The following SETBP1 variants were observed in gnomAD, a reference collection of about 807,000 sequenced individuals.
The protein encoded by SETBP1 is SET-binding protein.
Under a neutral mutation model 101.0 loss-of-function variants are expected in SETBP1, and 9 were observed. The observed-to-expected ratio is 0.09, with a 90% confidence interval of 0.05 to 0.16. The LOEUF (loss-of-function observed/expected upper bound fraction) is 0.16, where lower values mean the gene tolerates loss of function less well. Ranked by LOEUF, SETBP1 falls within the 10% of genes least tolerant of loss-of-function variation. The pLI is 1.00. For missense variants in SETBP1, 1,858 were observed against 2,033.8 expected (o/e 0.91, Z 1.66); for synonymous variants, 818 against 788.5 (o/e 1.04, Z -0.63).
In SETBP1 at chr18:44,933,419, G is replaced by A. The variant is rs182964802; in HGVS notation, c.541-16462G>A. ...GGGTCAGGGACCCACTTGTGGAGGC[G>A]GTCTGTCCATTCTCAGATCTCAAAC... On this transcript the variant is annotated intron_variant, in intron 3 of 5. Transcript: ENST00000649279. 3.6e-4 allele frequency among the ~76,000 whole-genome samples: 55 copies of A among 152,308 alleles called. No homozygotes were observed. In the South Asian group the frequency reaches 7.7e-3, roughly 21 times the overall value.
intron 1 of SETBP1, among the ~76,000 whole-genome samples, chr18:44,695,741 C>T (rs746213419): frequency 2.6e-5 from 4 of 152,004 alleles, no homozygotes; most frequent in Non-Finnish European, 2.9e-5. Flanking sequence ...GAGAGGTGCA[C>T]GTGTTGTTCA....
At chr18:45,027,766 A>G (rs1446219854) in intron 4 of SETBP1, among the ~76,000 whole-genome samples, 3 of 152,202 alleles carry the variant, frequency 2.0e-5, no homozygotes, top group Admixed American at 6.5e-5. Context: ...CCACAAACTT[A>G]GTGGCTTAAA....
chr18:45,047,244 C>T (rs2040847815), intron 5 of SETBP1, among the ~76,000 whole-genome samples: 1 of 152,072 alleles, frequency 6.6e-6, no homozygotes, highest in African/African-American at 2.4e-5. Context: ...ACCTCACACT[C>T]GGAAAAGAAA....
intron 3 of SETBP1, among the ~76,000 whole-genome samples, chr18:44,924,027 T>C (rs2070641457): frequency 6.6e-6 from 1 of 152,158 alleles, no homozygotes; most frequent in Non-Finnish European, 1.5e-5. Flanking sequence ...TTTCCTTCTC[T>C]TGCCAAATTT....
chr18:44,945,605 C>T (rs981694984), intron 3 of SETBP1, among the ~76,000 whole-genome samples: 7 of 152,092 alleles, frequency 4.6e-5, no homozygotes, highest in East Asian at 3.9e-4. Context: ...AGCCATGAAG[C>T]GTGCTAAGCT....
intron 2 of SETBP1, among the ~76,000 whole-genome samples, chr18:44,808,873 C>A (rs111466862): frequency 0.013 from 1,972 of 152,264 alleles, 19 homozygotes; most frequent in Non-Finnish European, 0.018. Context: ...TGCTACAAAT[C>A]CTTGCTTTCC....
In SETBP1 at chr18:44,800,043, A is replaced by G. The variant is rs138888267; in HGVS notation, c.487-69187A>G. Reference sequence around the variant, plus strand: ...GTTCATGACTGACAAATCATTCCCTACCAGAGTTAATATTTACTCCCCTTT... The same window carrying G: ...GTTCATGACTGACAAATCATTCCCTGCCAGAGTTAATATTTACTCCCCTTT... On this transcript the variant is annotated intron_variant, in intron 2 of 5. Transcript: ENST00000649279. 2.0e-5 allele frequency among the ~76,000 whole-genome samples: 3 copies of G among 152,120 alleles called. No individual in the cohort carries two copies. The East Asian group carries it at 5.8e-4, about 29-fold the overall frequency.
intron 3 of SETBP1, among the ~76,000 whole-genome samples, chr18:44,937,808 G>A (rs2070997528): frequency 6.6e-6 from 1 of 152,114 alleles, no homozygotes; most frequent in Non-Finnish European, 1.5e-5. Context: ...CTCTGAATAT[G>A]AGCAGTGCTG....
intron 3 of SETBP1, 124 bp downstream of exon 3, chr18:44,869,407 G>A: frequency 1.1e-6 from 1 of 877,034 alleles, no homozygotes. Flanking sequence ...TCTTTCCCTA[G>A]CTAACTGACA....
At chr18:44,851,668 A>G (rs1189731046) in intron 2 of SETBP1, among the ~76,000 whole-genome samples, 1 of 151,890 alleles carries the variant, frequency 6.6e-6, no homozygotes, top group African/African-American at 2.4e-5. Flanking sequence ...GGCACATAAT[A>G]TGCTTTTTTT....
intron 3 of SETBP1, among the ~76,000 whole-genome samples, chr18:44,903,366 G>A (rs1027646466): frequency 1.3e-5 from 2 of 152,154 alleles, no homozygotes; most frequent in Non-Finnish European, 2.9e-5. Context: ...TCAGGGAAAA[G>A]GTAGAGAAAT....
intron 3 of SETBP1, chr18:44,876,967 G>A (rs1296251883): frequency 1.8e-5 from 22 of 1,250,330 alleles, no homozygotes; most frequent in Non-Finnish European, 2.1e-5. Flanking sequence ...TGCATTAGGC[G>A]GCCCTGATGC....
chr18:44,786,926 G>A (rs2071250566), intron 2 of SETBP1, among the ~76,000 whole-genome samples: 1 of 152,198 alleles, frequency 6.6e-6, no homozygotes, highest in Admixed American at 6.5e-5. Flanking sequence ...GCTGTCAGTA[G>A]CTTTCAGTTT....
rs2070398258 is a variant in SETBP1 at position 44,752,241 on chromosome 18, GA to G, written c.486+50410del. On this transcript the variant is annotated intron_variant, in intron 2 of 5. Transcript: ENST00000649279. ...AGGTGATTTACCAATTATAGAGTGA[GA>G]CACTGCAGGACTCCAGTGGTTCTTG... Among the ~76,000 whole-genome samples the G allele has an allele frequency of 3.9e-5, 6 of 152,328 alleles. 1 individual carries two copies. The South Asian group carries it at 1.2e-3, about 32-fold the overall frequency.
intron 2 of SETBP1, among the ~76,000 whole-genome samples, chr18:44,805,405 A>AGTGTGT (rs4024593): frequency 8.2e-4 from 118 of 144,738 alleles, no homozygotes; most frequent in African/African-American, 2.7e-3. Flanking sequence ...TGCACATGTA[A>AGTGTGT]GTGTGTGTGT....
chr18:45,042,823 A>G (rs1599486407), intron 5 of SETBP1, among the ~76,000 whole-genome samples: 1 of 152,118 alleles, frequency 6.6e-6, no homozygotes, highest in East Asian at 1.9e-4. Context: ...TCAGTTTGTG[A>G]GCTACTGGGA....
intron 5 of SETBP1, among the ~76,000 whole-genome samples, chr18:45,042,350 G>A (rs189215075): frequency 4.6e-5 from 7 of 152,018 alleles, no homozygotes; most frequent in Admixed American, 3.3e-4. Flanking sequence ...GGGTTTCACC[G>A]TGTTGGCCAG....
rs4024593 is a variant in SETBP1 at position 44,805,405 on chromosome 18, A to AGTGT, written c.487-63799_487-63796dup. On this transcript the variant is annotated intron_variant, in intron 2 of 5. Transcript: ENST00000649279. Reference sequence around the variant, plus strand: ...GTGGGTCCATGTGTATGCACATGTAAGTGTGTGTGTGTGTGTGTGTGTGTG... The same window carrying AGTGT: ...GTGGGTCCATGTGTATGCACATGTAAGTGTGTGTGTGTGTGTGTGTGTGTGTGTG... Among the ~76,000 whole-genome samples the AGTGT allele has an allele frequency of 2.3e-3, 327 of 144,732 alleles. 1 individual carries two copies. The highest frequency in any genetic ancestry group is 4.3e-3 in the African/African-American group (171 of 39,656). The allele number at this position is 144,732 out of a possible 152,430, so 94.9% of individuals were successfully genotyped here. A position where few individuals can be genotyped will look rare whatever the true frequency, so the allele number is the denominator to read the frequency against.
chr18:44,918,948 A>G (rs1259869172), intron 3 of SETBP1, among the ~76,000 whole-genome samples: 1 of 152,208 alleles, frequency 6.6e-6, no homozygotes, highest in Non-Finnish European at 1.5e-5. Context: ...CCTGGGGCTT[A>G]ATATCTATAG....
Sources: gnomAD v4.1 joint callset for allele counts (sites outside exome capture counted in the v4.1 genomes callset) on GRCh38, gnomAD v4.1.1 for gene constraint, MANE v1.5 for transcripts, NCBI Gene and HGNC (gene_info 2026-07-23, HGNC 2026-07-21) for gene names.